VAC14: variants seen among roughly 807,000 people sequenced by gnomAD.
VAC14 encodes the protein VAC14 component of PIKFYVE complex.
Under a neutral mutation model 85.3 loss-of-function variants are expected in VAC14, and 47 were observed. The observed-to-expected ratio is 0.55, with a 90% CI of 0.44 to 0.70. The LOEUF (loss-of-function observed/expected upper bound fraction) is 0.70, where lower values mean the gene tolerates loss of function less well. VAC14 is among the 30% of genes least tolerant of loss of function. The probability of loss-of-function intolerance (pLI) is 0.00; values close to 1 mark genes in which losing one functional copy is unlikely to be tolerated. For synonymous variants in VAC14, 447 were observed against 430.5 expected, an observed-to-expected ratio of 1.04 and a Z score of -0.47; for missense variants, 861 against 1,004.3, an observed-to-expected ratio of 0.86 and a Z score of 1.93.
chr16:70,780,718 A>G, intron 9 of VAC14, 72 bp downstream of exon 9: 7 of 1,506,748 alleles, frequency 4.6e-6, no homozygotes, highest in Non-Finnish European at 5.3e-6. Flanking sequence ...TGAGGCCCCA[A>G]GGCAACTCCT....
chr16:70,784,325 A>T, intron 4 of VAC14, 105 bp from the exon 5 acceptor site: 2 of 854,608 alleles, frequency 2.3e-6, no homozygotes. Context: ...GCGGCCACCA[A>T]GGAAAATGGC....
chr16:70,712,010 G>A (rs1390881663), intron 14 of VAC14, among the ~76,000 whole-genome samples: 1 of 152,190 alleles, frequency 6.6e-6, no homozygotes, highest in Non-Finnish European at 1.5e-5. Flanking sequence ...CAGCATGGCT[G>A]GGAGGGGGCT....
intron 12 of VAC14, among the ~76,000 whole-genome samples, chr16:70,761,454 G>C (rs1476927152): frequency 6.6e-6 from 1 of 152,262 alleles, no homozygotes; most frequent in African/African-American, 2.4e-5. Flanking sequence ...GCAGCCTGAA[G>C]AGCTGGTATG....
At chr16:70,788,562 ACAT>A (rs1044344511) in intron 1 of VAC14, among the ~76,000 whole-genome samples, 2 of 152,210 alleles carry the variant, frequency 1.3e-5, no homozygotes, top group Non-Finnish European at 2.9e-5. Flanking sequence ...GGATGGTTCT[ACAT>A]CAACTTGTTT....
chr16:70,733,979 G>A (rs2054673080), intron 13 of VAC14, among the ~76,000 whole-genome samples: 2 of 151,564 alleles, frequency 1.3e-5, no homozygotes, highest in Admixed American at 1.3e-4. Flanking sequence ...TGTGCCACCA[G>A]ACCTGACTAA....
chr16:70,724,164 C>A (rs1309627762), intron 14 of VAC14, among the ~76,000 whole-genome samples: 1 of 152,198 alleles, frequency 6.6e-6, no homozygotes, highest in East Asian at 1.9e-4. Context: ...TCCCCTCATA[C>A]CCCAGGTCAG....
chr16:70,762,561 C>T lies in VAC14; in HGVS notation c.1350G>A (p.Thr450=), dbSNP rs556500835. The T allele has an allele frequency of 1.4e-5, 22 of 1,614,168 alleles. No homozygotes were observed. Among genetic ancestry groups the T allele is most frequent in the East Asian group, 1.1e-4 (5 of 44,884 alleles). The change falls in exon 12 of 19, where the codon ACG becomes ACA. Residue 450 remains threonine (T), a synonymous_variant. Transcript: ENST00000261776. The surrounding 1 kb of genome is among the most constrained non-coding windows in gnomAD (Gnocchi z 4.1). ...CTACCTCATCCGATTCATCCGATAA[C>T]GTCTGCAGTAGGATGGGAAAGAGGC... The part of the protein sequence containing the change: ...TDSLFPILLQ[T]LSDESDEVIL...
intron 12 of VAC14, among the ~76,000 whole-genome samples, chr16:70,760,858 GA>G (rs1182845590): frequency 6.6e-6 from 1 of 152,000 alleles, no homozygotes. Context: ...TTTTTGTATT[GA>G]AATGAGGGCT....
At chr16:70,767,156 C>T (rs183686368) in intron 10 of VAC14, among the ~76,000 whole-genome samples, 39 of 152,260 alleles carry the variant, frequency 2.6e-4, no homozygotes, top group Admixed American at 9.2e-4. Context: ...TACACATACG[C>T]GTACTACAGT....
intron 10 of VAC14, chr16:70,768,791 T>C (rs2032998460): frequency 2.2e-6 from 1 of 453,622 alleles, no homozygotes; most frequent in Non-Finnish European, 4.4e-6. Flanking sequence ...CAGAATTTCA[T>C]GTGGATGTGC....
chr16:70,777,778 G>T (rs34268521), intron 9 of VAC14, among the ~76,000 whole-genome samples: 27 of 152,152 alleles, frequency 1.8e-4, no homozygotes, highest in African/African-American at 6.5e-4. Context: ...TGGTGCTGTC[G>T]GCGGATCAGC....
chr16:70,689,050 G>C (rs555096602), intron 18 of VAC14: 11 of 985,114 alleles, frequency 1.1e-5, no homozygotes, highest in Non-Finnish European at 1.2e-5. Context: ...TTTATGAAAA[G>C]ATGCCAATCG....
In VAC14 at chr16:70,692,944, T is replaced by C; in HGVS notation, c.2063A>G (p.Lys688Arg). 4.3e-6 allele frequency: 7 copies of C among 1,611,256 alleles called. No individual in the cohort carries two copies. Among genetic ancestry groups the C allele is most frequent in the Non-Finnish European group, 5.9e-6 (7 of 1,179,464 alleles). The change falls in exon 18 of 19, where the codon AAG (lysine) becomes AGG (arginine). Residue 688 changes from lysine (K) to arginine (R), a missense_variant. By Grantham distance (26) the Lys-to-Arg change is conservative (BLOSUM62 2). Transcript: ENST00000261776. ...TYLRLQLLDV[K>R]NNPYLIKALY... ...GGCCTTGATCAGGTAGGGGTTGTTC[T>C]TCACGTCCAGCAGCTGCAGGCGCAG...
In VAC14 at chr16:70,772,137, T is replaced by C; in HGVS notation, c.1132A>G (p.Ser378Gly). Reference sequence around the variant, plus strand: ...GCTGCAGTGAAGACACTGATGCCGCTACTGAAGCTGGAGTCACAGGAACCA... The same window carrying C: ...GCTGCAGTGAAGACACTGATGCCGCCACTGAAGCTGGAGTCACAGGAACCA... ...PDGSCDSSFS[S>G]GISVFTAAST... is the part of the protein sequence containing the mutation. Residue 378 changes from serine to glycine, a missense_variant, in exon 10 of 19, where the codon AGC becomes GGC. Transcript: ENST00000261776. 1 of 1,614,104 alleles carries C rather than the reference T, an allele frequency of 6.2e-7. No homozygotes were observed. Among genetic ancestry groups the C allele is most frequent in the Non-Finnish European group, 8.5e-7 (1 of 1,180,010 alleles).
chr16:70,779,033 A>C (rs113490778), intron 9 of VAC14: 1 of 152,222 alleles, frequency 6.6e-6, no homozygotes, highest in African/African-American at 2.4e-5. Context: ...AAAAGCTTTC[A>C]GCTGCTGCAT....
At chr16:70,726,698 A>G (rs1180626125) in intron 14 of VAC14, among the ~76,000 whole-genome samples, 1 of 152,188 alleles carries the variant, frequency 6.6e-6, no homozygotes, top group Non-Finnish European at 1.5e-5. Flanking sequence ...GTGGGGGTAC[A>G]GCACCCCACC....
intron 18 of VAC14, chr16:70,689,446 A>G: frequency 1.0e-6 from 1 of 983,862 alleles, no homozygotes; most frequent in Non-Finnish European, 1.2e-6. Flanking sequence ...AGGAAGAGTC[A>G]ACGGCCAGAG....
chr16:70,753,878 T>C (rs1171939103), intron 12 of VAC14, among the ~76,000 whole-genome samples: 1 of 152,126 alleles, frequency 6.6e-6, no homozygotes, highest in Non-Finnish European at 1.5e-5. Flanking sequence ...AGAGCGCCCA[T>C]TCCTGCCTCA....
At chr16:70,754,134 GCA>G (rs2031631549) in intron 12 of VAC14, among the ~76,000 whole-genome samples, 2 of 152,156 alleles carry the variant, frequency 1.3e-5, no homozygotes, top group African/African-American at 2.4e-5. Context: ...AACCCTCCTG[GCA>G]CACAGTCCTG....
Sources: gnomAD v4.1 joint callset for allele counts (sites outside exome capture counted in the v4.1 genomes callset) on GRCh38, gnomAD v4.1.1 for gene constraint, Gnocchi (gnomAD v3.1) non-coding constraint, MANE v1.5 for transcripts, NCBI Gene and HGNC (gene_info 2026-07-23, HGNC 2026-07-21) for gene names.